The following RPS4Y1 variants were observed in gnomAD, a reference collection of about 807,000 sequenced individuals.
RPS4Y1 encodes the protein ribosomal protein S4 Y-linked 1, also known as small ribosomal subunit protein eS4, Y isoform 1.
For synonymous variants in RPS4Y1, 23 were observed against 20.8 expected (o/e 1.10, Z -0.28); for missense variants, 30 against 60.9 (o/e 0.49, Z 1.69).
chrY:2,858,476 C>T, intron 5 of RPS4Y1, among the ~76,000 whole-genome samples: 1 of 33,352 alleles, frequency 3.0e-5, no homozygotes, highest in Non-Finnish European at 7.4e-5. Context: ...CTTTACAGTT[C>T]AAGGCCTTAC....
chrY:2,865,734 G>T, intron 6 of RPS4Y1, among the ~76,000 whole-genome samples: 1 of 33,430 alleles, frequency 3.0e-5, no homozygotes, highest in Non-Finnish European at 7.4e-5. Context: ...TAGTTTACTT[G>T]TTCAAGATGA....
At chrY:2,843,989 T>G in intron 2 of RPS4Y1, 88 bp from the exon 3 acceptor site, 1 of 279,338 alleles carries the variant, frequency 3.6e-6, no homozygotes, top group Non-Finnish European at 5.6e-6. Context: ...GCTGAACTTA[T>G]GCAGAACTAA....
chrY:2,858,790 C>G, intron 5 of RPS4Y1, among the ~76,000 whole-genome samples: 1 of 33,649 alleles, frequency 3.0e-5, no homozygotes, highest in Non-Finnish European at 7.4e-5. Flanking sequence ...GTGAGTCAAC[C>G]ATGCTCAACT....
intron 6 of RPS4Y1, among the ~76,000 whole-genome samples, chrY:2,866,094 A>G (rs2051167441): frequency 3.0e-5 from 1 of 33,430 alleles, no homozygotes. Flanking sequence ...CGTGTTAGCC[A>G]GGATGGTTTC....
chrY:2,842,310 T>C (rs2051149706), intron 2 of RPS4Y1, 68 bp downstream of exon 2: 1 of 267,025 alleles, frequency 3.7e-6, no homozygotes, highest in African/African-American at 8.0e-5. Flanking sequence ...GCTAAATACC[T>C]GTGGCTCGGT....
chrY:2,866,743 C>G, intron 6 of RPS4Y1, 50 bp from the exon 7 acceptor site: 1 of 264,755 alleles, frequency 3.8e-6, no homozygotes, highest in Non-Finnish European at 5.9e-6. Context: ...TGTTGTTTTT[C>G]TCTCCTCCCT....
intron 4 of RPS4Y1, among the ~76,000 whole-genome samples, chrY:2,849,822 A>G (rs2051154934): frequency 6.0e-5 from 2 of 33,300 alleles, no homozygotes; most frequent in African/African-American, 2.4e-4. Flanking sequence ...TTTTGGCCAC[A>G]TGAAGGTGCA....
intron 4 of RPS4Y1, among the ~76,000 whole-genome samples, chrY:2,848,982 C>T: frequency 1.6e-4 from 5 of 31,904 alleles, no homozygotes; most frequent in African/African-American, 3.7e-4. Context: ...CTCTGAAGCC[C>T]GTTATATCAC....
At chrY:2,842,269 T>C in intron 2 of RPS4Y1, 27 bp downstream of exon 2, 2 of 354,644 alleles carry the variant, frequency 5.6e-6, no homozygotes, top group Non-Finnish European at 8.1e-6. Context: ...TTTTTGTGGT[T>C]TTTTTTTGTT....
At chrY:2,866,727 G>A in intron 6 of RPS4Y1, 66 bp from the exon 7 acceptor site, 1 of 228,080 alleles carries the variant, frequency 4.4e-6, no homozygotes, top group Non-Finnish European at 7.3e-6. Flanking sequence ...GTGTGTTTTG[G>A]TGGGATGTTG....
chrY:2,864,575 T>C (rs2051165840), intron 5 of RPS4Y1, among the ~76,000 whole-genome samples: 1 of 33,538 alleles, frequency 3.0e-5, no homozygotes, highest in Non-Finnish European at 7.4e-5. Flanking sequence ...CAAAAATAAC[T>C]CTAGATGTCT....
chrY:2,856,739 C>T (rs2051160254), intron 5 of RPS4Y1, among the ~76,000 whole-genome samples: 1 of 32,355 alleles, frequency 3.1e-5, no homozygotes, highest in Non-Finnish European at 7.5e-5. Context: ...GACAGGGTTT[C>T]ACCATGTTGG....
At chrY:2,848,885 A>G in intron 4 of RPS4Y1, among the ~76,000 whole-genome samples, 1 of 32,583 alleles carries the variant, frequency 3.1e-5, no homozygotes, top group Non-Finnish European at 7.5e-5. Flanking sequence ...TACATTGAAC[A>G]TAATGTGTAG....
At chrY:2,843,661 G>A in intron 2 of RPS4Y1, among the ~76,000 whole-genome samples, 1 of 33,746 alleles carries the variant, frequency 3.0e-5, no homozygotes, top group Non-Finnish European at 7.3e-5. Flanking sequence ...CAGGGCTTGT[G>A]TGGAACTTTG....
At chrY:2,846,003 G>T in intron 4 of RPS4Y1, among the ~76,000 whole-genome samples, 2 of 34,060 alleles carry the variant, frequency 5.9e-5, no homozygotes, top group African/African-American at 1.1e-4. Flanking sequence ...CTGTGATATT[G>T]ACCAGGAAGG....
intron 5 of RPS4Y1, among the ~76,000 whole-genome samples, chrY:2,855,952 G>C: frequency 3.0e-5 from 1 of 33,744 alleles, no homozygotes; most frequent in African/African-American, 1.2e-4. Context: ...CGAGTGGCTT[G>C]TGAGAATATT....
chrY:2,854,976 T>C, intron 5 of RPS4Y1, among the ~76,000 whole-genome samples: 1 of 33,552 alleles, frequency 3.0e-5, no homozygotes, highest in Non-Finnish European at 7.4e-5. Flanking sequence ...GTGATGTCCC[T>C]TTGGGCTATC....
intron 5 of RPS4Y1, among the ~76,000 whole-genome samples, chrY:2,857,798 A>G (rs2051160997): frequency 2.9e-5 from 1 of 34,096 alleles, no homozygotes; most frequent in Non-Finnish European, 7.3e-5. Context: ...TCCTCTGTGG[A>G]TGGACATTTG....
intron 3 of RPS4Y1, among the ~76,000 whole-genome samples, chrY:2,844,853 G>A (rs2051151610): frequency 3.1e-5 from 1 of 32,658 alleles, no homozygotes; most frequent in South Asian, 7.2e-4. Context: ...TTTTTTTGGC[G>A]GGGAGGGTGG....
Sources: allele counts gnomAD v4.1 joint callset (sites outside exome capture counted in the v4.1 genomes callset), GRCh38; gene constraint gnomAD v4.1.1; transcripts MANE v1.5; gene names NCBI Gene and HGNC (gene_info 2026-07-23, HGNC 2026-07-21).